VPS13C: variants seen among roughly 807,000 people sequenced by gnomAD.
The protein encoded by VPS13C is intermembrane lipid transfer protein VPS13C.
A neutral mutation model predicts 456.8 loss-of-function variants in VPS13C; 358 were observed. That is an observed-to-expected ratio of 0.78 (90% CI 0.72 to 0.86). The LOEUF (loss-of-function observed/expected upper bound fraction) is 0.86. VPS13C is among the 40% of genes least tolerant of loss of function. The pLI is 0.00. For synonymous variants in VPS13C, 1,578 were observed against 1,486.7 expected (o/e 1.06, Z -1.41); for missense variants, 4,818 against 4,385.4 (o/e 1.10, Z -2.79).
chr15:61,899,757 T>C (rs1490789404), intron 66 of VPS13C, among the ~76,000 whole-genome samples: 1 of 151,912 alleles, frequency 6.6e-6, no homozygotes, highest in African/African-American at 2.4e-5. Flanking sequence ...CCCTAACTTA[T>C]TTTATGAGAC....
At chr15:61,859,425 G>A (rs892434329) in intron 82 of VPS13C, among the ~76,000 whole-genome samples, 5 of 152,138 alleles carry the variant, frequency 3.3e-5, no homozygotes, top group East Asian at 3.8e-4. Context: ...TCACATTAAT[G>A]ATAAAACCTA....
At chr15:61,887,153 A>G (rs1009978987) in intron 67 of VPS13C, among the ~76,000 whole-genome samples, 2 of 152,238 alleles carry the variant, frequency 1.3e-5, no homozygotes, top group African/African-American at 4.8e-5. Context: ...CCAAAGAATC[A>G]ACCAAAAAAT....
In VPS13C at chr15:61,963,835, C is replaced by G; in HGVS notation, c.3331G>C (p.Gly1111Arg). ...TTTTCAATGCCGTGTGAACTTTTACCTTGAATCTTGATTTCGGCGATATTG... is the reference window on the plus strand; with the variant it reads ...TTTTCAATGCCGTGTGAACTTTTACGTTGAATCTTGATTTCGGCGATATTG... Reference protein sequence around the residue: ...KNNIAEIKIQGLDSSLSLQSR... With the variant: ...KNNIAEIKIQRLDSSLSLQSR... Residue 1111 changes from glycine (G) to arginine (R), a missense_variant and splice_region_variant, in exon 32 of 85, where the codon GGA (glycine) becomes CGA (arginine). By Grantham distance (125) the Gly-to-Arg change is moderately radical (BLOSUM62 -2). Transcript: ENST00000644861. The G allele has an allele frequency of 6.2e-7, 1 of 1,603,236 alleles. No homozygotes were observed. Among genetic ancestry groups the G allele is most frequent in the Non-Finnish European group, 8.5e-7 (1 of 1,173,404 alleles).
intron 68 of VPS13C, 122 bp from the exon 69 acceptor site, chr15:61,882,858 T>C (rs1895973062): frequency 1.0e-6 from 1 of 966,194 alleles, no homozygotes; most frequent in African/African-American, 1.7e-5. Context: ...CCAACAGATC[T>C]ATCTTAAGGT....
chr15:61,878,193 G>A (rs1895596084), intron 74 of VPS13C, among the ~76,000 whole-genome samples: 1 of 150,598 alleles, frequency 6.6e-6, no homozygotes, highest in Admixed American at 6.7e-5. Context: ...ATGATCTACA[G>A]GGAATTTTTT....
intron 36 of VPS13C, 27 bp from the exon 37 acceptor site, chr15:61,958,743 A>T: frequency 8.2e-7 from 1 of 1,224,704 alleles, no homozygotes; most frequent in Non-Finnish European, 1.1e-6. Flanking sequence ...TAAAAAAAAA[A>T]CTATATTACG....
At chr15:61,908,364 TAATATA>T (rs1389410103) in intron 65 of VPS13C, among the ~76,000 whole-genome samples, 8 of 151,272 alleles carry the variant, frequency 5.3e-5, no homozygotes, top group Non-Finnish European at 8.8e-5. Flanking sequence ...ATACATATGT[TAATATA>T]AATATAATTT....
intron 18 of VPS13C, among the ~76,000 whole-genome samples, chr15:61,988,212 T>C (rs2046118193): frequency 6.6e-6 from 1 of 152,204 alleles, no homozygotes. Context: ...GAAAAATGAC[T>C]GGAAAGGGTT....
At chr15:61,881,078 T>C in intron 71 of VPS13C, 124 bp from the exon 72 acceptor site, 1 of 761,448 alleles carries the variant, frequency 1.3e-6, no homozygotes, top group Non-Finnish European at 2.0e-6. Flanking sequence ...AAAAATTATG[T>C]TAATAAGATC....
intron 80 of VPS13C, 26 bp from the exon 81 acceptor site, chr15:61,868,799 A>C: frequency 6.4e-7 from 1 of 1,565,342 alleles, no homozygotes; most frequent in Non-Finnish European, 8.7e-7. Flanking sequence ...GAGTAAGTGT[A>C]AGAAAATACG....
chr15:62,036,568 G>T (rs2048006931), intron 3 of VPS13C, among the ~76,000 whole-genome samples: 1 of 151,984 alleles, frequency 6.6e-6, no homozygotes, highest in East Asian at 1.9e-4. Context: ...TCTAAGTCCA[G>T]TGATTTTATA....
intron 1 of VPS13C, among the ~76,000 whole-genome samples, chr15:62,044,621 T>A (rs918127224): frequency 6.6e-6 from 1 of 152,254 alleles, no homozygotes; most frequent in East Asian, 1.9e-4. Flanking sequence ...GATTACAAGG[T>A]CAGATCAATC....
chr15:61,998,579 T>G (rs1178997649), intron 16 of VPS13C, among the ~76,000 whole-genome samples: 2 of 152,154 alleles, frequency 1.3e-5, no homozygotes, highest in Admixed American at 1.3e-4. Context: ...ATCAGGAAAC[T>G]AAGGCACAGA....
chr15:62,033,501 C>T lies in VPS13C; in HGVS notation c.325G>A (p.Asp109Asn). Residue 109 changes from aspartate (D) to asparagine (N), a missense_variant, in exon 5 of 85, where the codon GAT becomes AAT. By Grantham distance (23) the Asp-to-Asn change is conservative. Around this residue, in one of 3 missense-constraint regions of VPS13C, gnomAD observed 4,552 missense variants for 4,130.6 expected, o/e 1.10. Transcript: ENST00000644861. ...CGGGATAGCTCTTTCTGTTTAACATCCTGCAAGGATTTTTCTTCTTTTACA... is the reference window on the plus strand; with the variant it reads ...CGGGATAGCTCTTTCTGTTTAACATTCTGCAAGGATTTTTCTTCTTTTACA... ...DAVKEEKSLQ[D>N]VKQKELSRIE... The T allele has an allele frequency of 6.2e-7, 1 of 1,607,356 alleles. No homozygotes were observed. Among genetic ancestry groups the T allele is most frequent in the Admixed American group, 1.7e-5 (1 of 59,390 alleles).
chr15:62,040,571 G>T (rs910677840), intron 3 of VPS13C, among the ~76,000 whole-genome samples: 4 of 151,966 alleles, frequency 2.6e-5, no homozygotes, highest in South Asian at 2.1e-4. Flanking sequence ...ATTGAAGGAG[G>T]GGGGTGGAGG....
At chr15:61,861,736 A>G (rs1894237666) in intron 82 of VPS13C, among the ~76,000 whole-genome samples, 1 of 152,224 alleles carries the variant, frequency 6.6e-6, no homozygotes, top group South Asian at 2.1e-4. Context: ...TACTATTTTA[A>G]TGTAATCATT....
intron 50 of VPS13C, among the ~76,000 whole-genome samples, chr15:61,930,491 T>C (rs1361780677): frequency 6.6e-6 from 1 of 152,152 alleles, no homozygotes; most frequent in African/African-American, 2.4e-5. Flanking sequence ...CAACACAGTT[T>C]TTCTCAAAAG....
chr15:62,002,205 G>A (rs1400207723), intron 15 of VPS13C, among the ~76,000 whole-genome samples: 3 of 152,058 alleles, frequency 2.0e-5, no homozygotes, highest in Admixed American at 2.0e-4. Context: ...TTTAATGATC[G>A]CCATTCTAAC....
At chr15:62,036,405 G>A (rs1011482148) in intron 3 of VPS13C, among the ~76,000 whole-genome samples, 1 of 152,086 alleles carries the variant, frequency 6.6e-6, no homozygotes, top group South Asian at 2.1e-4. Flanking sequence ...AGATGGATAT[G>A]TAGGAAAGCC....
Sources: gnomAD v4.1 joint callset for allele counts (sites outside exome capture counted in the v4.1 genomes callset) on GRCh38, gnomAD v4.1.1 for gene constraint, gnomAD v4.1.1 regional missense constraint, MANE v1.5 for transcripts, NCBI Gene and HGNC (gene_info 2026-07-23, HGNC 2026-07-21) for gene names.